Variants in ACRV1 observed in about 807,000 individuals in gnomAD.
ACRV1 encodes the protein acrosomal protein SP-10.
In ACRV1, 17 loss-of-function variants were observed where a neutral mutation model predicts 29.2. The ratio of observed to expected loss-of-function variants is 0.58; its 90% CI spans 0.40 to 0.87. The LOEUF (loss-of-function observed/expected upper bound fraction) is 0.87, where lower values mean the gene tolerates loss of function less well. Among genes scored for constraint, ACRV1 ranks in the 40% least tolerant of loss-of-function variants. The pLI, the probability that ACRV1 is intolerant of heterozygous loss-of-function variation, is 0.00. For missense variants in ACRV1, 294 were observed against 316.0 expected (o/e 0.93, Z 0.53); for synonymous variants, 98 against 111.6 (o/e 0.88, Z 0.77).
chr11:125,678,980 A>T (rs1192313375), intron 1 of ACRV1, among the ~76,000 whole-genome samples: 2 of 135,978 alleles, frequency 1.5e-5, no homozygotes, highest in East Asian at 2.2e-4. Context: ...TAGGCATATT[A>T]TATATATATA....
intron 1 of ACRV1, among the ~76,000 whole-genome samples, chr11:125,679,949 G>C (rs912034781): frequency 6.6e-6 from 1 of 152,202 alleles, no homozygotes; most frequent in Non-Finnish European, 1.5e-5. Context: ...TTGATAAAGA[G>C]ATGTTTCTGA....
intron 3 of ACRV1, among the ~76,000 whole-genome samples, chr11:125,675,209 G>A (rs1360053222): frequency 6.6e-6 from 1 of 152,128 alleles, no homozygotes; most frequent in Non-Finnish European, 1.5e-5. Context: ...GGCCCAAATC[G>A]TAAATGTTCC....
chr11:125,675,009 T>G (rs191272199), intron 3 of ACRV1, among the ~76,000 whole-genome samples: 65 of 152,336 alleles, frequency 4.3e-4, no homozygotes, highest in Non-Finnish European at 1.5e-5. Context: ...CAACCATTGC[T>G]GTATGACTAA....
At position 125,674,706 on chromosome 11, in the gene ACRV1, T is replaced by G. The variant is rs1942398379; in HGVS notation, c.673+1653A>C. ...CCTGGATGGGCTACTGGCTCTGCCT[T>G]TTCCTAGTAACAGGTCTTTAGGCAA... On this transcript the variant is annotated intron_variant, in intron 3 of 3. Transcript: ENST00000533904. Among the ~76,000 whole-genome samples the G allele has an allele frequency of 3.3e-5, 5 of 152,366 alleles. No individual in the cohort carries two copies. In the South Asian group the frequency reaches 1.0e-3, roughly 32 times the overall value.
chr11:125,676,436 T>C lies in ACRV1; in HGVS notation c.596A>G (p.Gln199Arg). 6.2e-7 allele frequency: 1 copy of C among 1,614,130 alleles called. No individual in the cohort carries two copies. ...TCCCTCTCCACGAAGACATTTTCCT[T>C]GATCATTCATATAAGCACATGTGTA... is the stretch of plus-strand genomic sequence containing the variant. ...NCYTCAYMND[Q>R]GKCLRGEGTC... Residue 199 changes from glutamine to arginine, a missense_variant, in exon 3 of 4, where the codon CAA becomes CGA. Transcript: ENST00000533904.
intron 3 of ACRV1, among the ~76,000 whole-genome samples, chr11:125,675,264 C>T (rs1942440990): frequency 6.6e-6 from 1 of 152,226 alleles, no homozygotes; most frequent in Non-Finnish European, 1.5e-5. Flanking sequence ...TACTTCTCTG[C>T]ACCTCTAATC....
rs1316727624 is a variant in ACRV1, at chr11:125,678,298, C to T, written c.53-1G>A. 3 of 1,612,772 alleles carry T rather than the reference C, an allele frequency of 1.9e-6. No individual in the cohort carries two copies. The highest frequency in any genetic ancestry group is 3.3e-5 in the Admixed American group (2 of 59,804). On this transcript the variant is annotated splice_acceptor_variant, in intron 1 of 3. Coordinates refer to ENST00000533904, the MANE Select transcript of ACRV1 (RefSeq NM_001612.6). LOFTEE classifies it high-confidence loss of function. ...AGCTCATTAGGCTGACTTGATGTTC[C>T]TGGGATGGAGAAGGAACAGAAGAGA...
At chr11:125,674,478 T>C (rs1348804799) in intron 3 of ACRV1, among the ~76,000 whole-genome samples, 1 of 152,222 alleles carries the variant, frequency 6.6e-6, no homozygotes, top group African/African-American at 2.4e-5. Flanking sequence ...CAGGAAGTGG[T>C]GACTTGCGTA....
rs762282673 is a variant in ACRV1, at chr11:125,678,011, CTGCTCACCTACAGTA to C, written c.324_338del (p.His108_Glu112del). On this transcript the variant is annotated inframe_deletion, in exon 2 of 4. Transcript: ENST00000533904. ...CACCTGAAGGCTGTTCTCCTGAAGG[CTGCTCACCTACAGTA>C]TGCTCACCTTCAGCATGTTCAGTCG... 2 of 1,614,084 alleles carry C rather than the reference CTGCTCACCTACAGTA, an allele frequency of 1.2e-6. No homozygotes were observed. The highest frequency in any genetic ancestry group is 1.7e-6 in the Non-Finnish European group (2 of 1,179,982).
Position 125,672,542 on chromosome 11 carries a change from G to A in ACRV1, c.*51C>T. On this transcript the variant is annotated 3_prime_UTR_variant, in exon 4 of 4. Transcript: ENST00000533904. ...CTAAATATAAAATGAGCCAAATAGA[G>A]TGATGGAGGCTTTTTACTGCCTGAG... The A allele has an allele frequency of 3.1e-6, 5 of 1,606,044 alleles. No individual in the cohort carries two copies. Among genetic ancestry groups the A allele is most frequent in the Non-Finnish European group, 3.4e-6 (4 of 1,176,952 alleles).
chr11:125,678,411 A>C (rs140653303), intron 1 of ACRV1, 114 bp from the exon 2 acceptor site: 2 of 1,289,342 alleles, frequency 1.6e-6, no homozygotes, highest in Non-Finnish European at 2.1e-6. Flanking sequence ...CTATGGGCCT[A>C]GATTGGGCAC....
At chr11:125,677,660 A>C in intron 2 of ACRV1, 137 bp downstream of exon 2, 1 of 1,201,386 alleles carries the variant, frequency 8.3e-7, no homozygotes, top group East Asian at 2.5e-5. Context: ...CGAGAACTAG[A>C]GAGACTTTGA....
At chr11:125,676,609 G>T in intron 2 of ACRV1, 131 bp from the exon 3 acceptor site, 4 of 1,167,630 alleles carry the variant, frequency 3.4e-6, no homozygotes, top group Admixed American at 2.0e-5. Context: ...TCTTTTTGGG[G>T]ATCTGGGCCC....
intron 3 of ACRV1, among the ~76,000 whole-genome samples, chr11:125,674,343 A>G (rs940717030): frequency 6.6e-6 from 1 of 152,236 alleles, no homozygotes; most frequent in South Asian, 2.1e-4. Context: ...GTATCAAGGA[A>G]ATTCTTAGGA....
rs754933761 is a variant in ACRV1, at chr11:125,677,794, C to T, written c.553+3G>A. The T allele has an allele frequency of 1.5e-5, 24 of 1,613,524 alleles. No individual in the cohort carries two copies. The highest frequency in any genetic ancestry group is 3.3e-5 in the Admixed American group (2 of 60,014). On this transcript the variant is annotated splice_donor_region_variant and intron_variant, in intron 2 of 3. Transcript: ENST00000533904. ...GACTGGCACCCATCCAAACATGGCT[C>T]ACCTGTAGATGTGCTTGAAATTGGT...
At chr11:125,678,963 A>G (rs1422713039) in intron 1 of ACRV1, among the ~76,000 whole-genome samples, 2 of 56,066 alleles carry the variant, frequency 3.6e-5, no homozygotes, top group African/African-American at 6.7e-5. Flanking sequence ...GTAAAAAAAA[A>G]AAAGTCTAGG....
intron 3 of ACRV1, among the ~76,000 whole-genome samples, chr11:125,674,260 A>G (rs1008548515): frequency 3.3e-5 from 5 of 152,224 alleles, no homozygotes; most frequent in Admixed American, 6.5e-5. Context: ...ATTACATGCA[A>G]TGGAAAAACC....
chr11:125,678,955 A>T (rs1337597607), intron 1 of ACRV1, among the ~76,000 whole-genome samples: 2 of 89,596 alleles, frequency 2.2e-5, no homozygotes, highest in Non-Finnish European at 4.7e-5. Flanking sequence ...CTATTAAGGT[A>T]AAAAAAAAAA....
chr11:125,678,005 T>C lies in ACRV1; in HGVS notation c.345A>G (p.Ser115=), dbSNP rs1301504847. 2 of 1,614,078 alleles carry C rather than the reference T, an allele frequency of 1.2e-6. No individual in the cohort carries two copies. Among genetic ancestry groups the C allele is most frequent in the Non-Finnish European group, 1.7e-6 (2 of 1,179,968 alleles). The change falls in exon 2 of 4, where the codon TCA becomes TCG. Residue 115 remains serine (S), a synonymous_variant. Coordinates refer to ENST00000533904, the MANE Select transcript of ACRV1 (RefSeq NM_001612.6). ...EGEHTVGEQP[S]GEQPSGEHLS... ...GGTGTTCACCTGAAGGCTGTTCTCC[T>C]GAAGGCTGCTCACCTACAGTATGCT...
Sources: allele counts gnomAD v4.1 joint callset (sites outside exome capture counted in the v4.1 genomes callset), GRCh38; gene constraint gnomAD v4.1.1; transcripts MANE v1.5; gene names NCBI Gene and HGNC (gene_info 2026-07-23, HGNC 2026-07-21).